Variants in GABRG3 observed in about 807,000 individuals in gnomAD.
GABRG3 encodes the protein gamma-aminobutyric acid type A receptor subunit gamma3, also known as gamma-aminobutyric acid receptor subunit gamma-3.
Under a neutral mutation model 48.8 loss-of-function variants are expected in GABRG3, and 25 were observed. The observed-to-expected ratio is 0.51, with a 90% confidence interval of 0.37 to 0.72. GABRG3 has a LOEUF of 0.72. Among genes scored for constraint, GABRG3 ranks in the 30% least tolerant of loss-of-function variants. GABRG3 has a pLI of 0.00. For synonymous variants in GABRG3, 227 were observed against 217.6 expected, an observed-to-expected ratio of 1.04 and a Z score of -0.38; for missense variants, 394 against 577.9, an observed-to-expected ratio of 0.68 and a Z score of 3.26.
intron 3 of GABRG3, among the ~76,000 whole-genome samples, chr15:27,044,556 A>T (rs1390409591): frequency 6.6e-6 from 1 of 152,236 alleles, no homozygotes; most frequent in Non-Finnish European, 1.5e-5. Flanking sequence ...AGAAAAGCAA[A>T]ACCTTTTAAT....
intron 3 of GABRG3, among the ~76,000 whole-genome samples, chr15:27,265,462 C>G (rs939552965): frequency 6.6e-6 from 1 of 152,156 alleles, no homozygotes; most frequent in Admixed American, 6.5e-5. Flanking sequence ...AAACTCTAAG[C>G]CTTATTTCTA....
intron 5 of GABRG3, among the ~76,000 whole-genome samples, chr15:27,453,854 G>A (rs528559381): frequency 1.3e-5 from 2 of 152,106 alleles, no homozygotes; most frequent in Non-Finnish European, 2.9e-5. Flanking sequence ...TGCCCACCAC[G>A]GCCTCCCAAA....
intron 3 of GABRG3, among the ~76,000 whole-genome samples, chr15:27,138,399 A>C (rs1898046349): frequency 6.6e-6 from 1 of 152,176 alleles, no homozygotes; most frequent in Non-Finnish European, 1.5e-5. Context: ...GTAATATAAC[A>C]TCCTTTCTCA....
chr15:27,403,496 A>T (rs905100246), intron 5 of GABRG3, among the ~76,000 whole-genome samples: 1 of 152,218 alleles, frequency 6.6e-6, no homozygotes, highest in South Asian at 2.1e-4. Flanking sequence ...CCCAACAGAA[A>T]ATTATTGAAA....
chr15:27,483,916 C>T (rs1019017057), intron 6 of GABRG3, among the ~76,000 whole-genome samples: 3 of 152,128 alleles, frequency 2.0e-5, no homozygotes, highest in African/African-American at 7.2e-5. Context: ...GGCCACCATG[C>T]ATAATAAAAA....
In GABRG3 at chr15:27,520,064, G is replaced by T; in HGVS notation, c.805G>T (p.Val269Phe). ...QTYIPCILTV[V>F]LSWVSFWIKK... ...ATACATTCCCTGTATACTGACTGTG[G>T]TTTTATCCTGGGTGTCATTTTGGAT... is the stretch of plus-strand genomic sequence containing the variant. Residue 269 changes from valine to phenylalanine, a missense_variant, in exon 7 of 10, where the codon GTT (valine) becomes TTT (phenylalanine). Coordinates refer to ENST00000615808, the MANE Select transcript of GABRG3 (RefSeq NM_033223.5). 2 of 1,603,554 alleles carry T rather than the reference G, an allele frequency of 1.2e-6. No individual in the cohort carries two copies. The highest frequency in any genetic ancestry group is 1.7e-6 in the Non-Finnish European group (2 of 1,174,228).
intron 3 of GABRG3, among the ~76,000 whole-genome samples, chr15:27,174,233 A>G (rs1887667627): frequency 6.6e-6 from 1 of 152,214 alleles, no homozygotes; most frequent in Non-Finnish European, 1.5e-5. Context: ...TGTCCAGTGC[A>G]TTTGGTGATA....
At chr15:27,149,339 A>G (rs1346816934) in intron 3 of GABRG3, among the ~76,000 whole-genome samples, 1 of 151,208 alleles carries the variant, frequency 6.6e-6, no homozygotes, top group African/African-American at 2.4e-5. Flanking sequence ...AGAAATTAAC[A>G]ATCTAAATAA....
intron 5 of GABRG3, among the ~76,000 whole-genome samples, chr15:27,375,802 G>A (rs1174532955): frequency 6.6e-6 from 1 of 152,034 alleles, no homozygotes; most frequent in African/African-American, 2.4e-5. Context: ...GATTTGGGTG[G>A]GGACACAGCC....
chr15:27,014,847 A>G (rs1052439325), intron 2 of GABRG3, among the ~76,000 whole-genome samples: 2 of 152,116 alleles, frequency 1.3e-5, no homozygotes, highest in Admixed American at 6.5e-5. Context: ...GGTTCTTTAT[A>G]TAACTGAAAG....
chr15:27,306,192 A>G lies in GABRG3; in HGVS notation c.271-20617A>G, dbSNP rs1283180824. ...TTATATATAAACATATAATATAAAC[A>G]TATTTATAATATAAACATATGTAAT... On this transcript the variant is annotated intron_variant, in intron 3 of 9. Transcript: ENST00000615808. Among the ~76,000 whole-genome samples, 12 of 133,964 alleles carry G rather than the reference A, an allele frequency of 9.0e-5. 1 individual carries two copies. In the East Asian group the frequency reaches 2.2e-3, roughly 25 times the overall value. 87.9% of individuals were successfully genotyped at this position (133,964 alleles called of 152,430 possible). A position where few individuals can be genotyped will look rare whatever the true frequency, so the allele number is the denominator to read the frequency against.
At chr15:27,305,449 A>G (rs1566766603) in intron 3 of GABRG3, among the ~76,000 whole-genome samples, 1 of 149,396 alleles carries the variant, frequency 6.7e-6, no homozygotes, top group East Asian at 2.0e-4. Flanking sequence ...AATTCTCCAT[A>G]AATTTATATA....
intron 3 of GABRG3, among the ~76,000 whole-genome samples, chr15:27,277,200 T>C (rs1891284723): frequency 6.6e-6 from 1 of 152,216 alleles, no homozygotes; most frequent in Non-Finnish European, 1.5e-5. Flanking sequence ...AACTTCATTT[T>C]ATTTTCCTGA....
At chr15:27,362,529 A>G (rs1895057799) in intron 5 of GABRG3, 1 of 152,230 alleles carries the variant, frequency 6.6e-6, no homozygotes, top group Non-Finnish European at 1.5e-5. Flanking sequence ...TCAAAGGACT[A>G]GTTTTTAGCA....
intron 3 of GABRG3, among the ~76,000 whole-genome samples, chr15:27,167,640 G>C (rs1304580361): frequency 2.0e-5 from 3 of 152,212 alleles, no homozygotes; most frequent in African/African-American, 7.2e-5. Flanking sequence ...GAGTGTCCCA[G>C]AGGAAAGACA....
chr15:27,529,984 G>A (rs1231461058), intron 9 of GABRG3, among the ~76,000 whole-genome samples: 2 of 152,038 alleles, frequency 1.3e-5, no homozygotes, highest in African/African-American at 4.8e-5. Flanking sequence ...GCCAGGCCTG[G>A]TGAGAAGACA....
intron 2 of GABRG3, among the ~76,000 whole-genome samples, chr15:27,013,403 C>G (rs1461689125): frequency 1.3e-5 from 2 of 152,014 alleles, no homozygotes; most frequent in Non-Finnish European, 2.9e-5. Flanking sequence ...ATTTTTGCTT[C>G]TGTTTCCTGA....
chr15:27,425,362 TG>T (rs775017304), intron 5 of GABRG3, among the ~76,000 whole-genome samples: 1 of 147,276 alleles, frequency 6.8e-6, no homozygotes, highest in Non-Finnish European at 1.5e-5. Flanking sequence ...TGGTGGCCAC[TG>T]GGAGGCCGAG....
intron 3 of GABRG3, among the ~76,000 whole-genome samples, chr15:27,269,805 G>A (rs1264155923): frequency 2.0e-5 from 3 of 152,022 alleles, no homozygotes; most frequent in East Asian, 1.9e-4. Flanking sequence ...ATGGGCAGCC[G>A]AATGATCTTT....
Sources: allele counts gnomAD v4.1 joint callset (sites outside exome capture counted in the v4.1 genomes callset), GRCh38; gene constraint gnomAD v4.1.1; transcripts MANE v1.5; gene names NCBI Gene and HGNC (gene_info 2026-07-23, HGNC 2026-07-21).